The following ADGRL3 variants were observed in gnomAD, a reference collection of about 807,000 sequenced individuals.
ADGRL3 encodes adhesion G protein-coupled receptor L3.
In ADGRL3, 62 loss-of-function variants were observed where a neutral mutation model predicts 153.5. The observed-to-expected ratio is 0.40, with a 90% confidence interval of 0.33 to 0.50. The LOEUF is 0.50. ADGRL3 is among the 20% of genes least tolerant of loss of function. The probability of loss-of-function intolerance (pLI) is 0.47; values close to 1 mark genes in which losing one functional copy is unlikely to be tolerated. For synonymous variants in ADGRL3, 710 were observed against 672.5 expected (o/e 1.06, Z -0.86); for missense variants, 1,641 against 1,859.4 (o/e 0.88, Z 2.16).
At chr4:61,798,158 C>G (rs760796499) in intron 8 of ADGRL3, among the ~76,000 whole-genome samples, 4 of 152,100 alleles carry the variant, frequency 2.6e-5, no homozygotes, top group African/African-American at 7.2e-5. Context: ...CTAACTTTTA[C>G]ACTATTGTCT....
At chr4:61,759,202 T>A (rs1013336551) in intron 8 of ADGRL3, among the ~76,000 whole-genome samples, 1 of 152,180 alleles carries the variant, frequency 6.6e-6, no homozygotes, top group Non-Finnish European at 1.5e-5. Flanking sequence ...GTATTTCCTG[T>A]ATTTGAATGT....
At chr4:62,028,622 AT>A (rs1560525359) in intron 21 of ADGRL3, among the ~76,000 whole-genome samples, 4 of 151,772 alleles carry the variant, frequency 2.6e-5, no homozygotes, top group Non-Finnish European at 5.9e-5. Flanking sequence ...AAAAAATGGA[AT>A]TTTGAGTCTT....
chr4:61,229,452 G>C (rs1051936044), intron 1 of ADGRL3, among the ~76,000 whole-genome samples: 3 of 151,916 alleles, frequency 2.0e-5, no homozygotes, highest in Non-Finnish European at 4.4e-5. Context: ...TTTGGGGCTA[G>C]CAAGGATTTT....
intron 9 of ADGRL3, among the ~76,000 whole-genome samples, chr4:61,857,059 T>C (rs1165047689): frequency 6.7e-6 from 1 of 149,696 alleles, no homozygotes; most frequent in Non-Finnish European, 1.5e-5. Flanking sequence ...CCTCCCTCCC[T>C]CTCTCTCTCT....
intron 6 of ADGRL3, among the ~76,000 whole-genome samples, chr4:61,701,243 A>G (rs1179535640): frequency 1.3e-5 from 2 of 152,134 alleles, no homozygotes; most frequent in Non-Finnish European, 1.5e-5. Context: ...CTAACGTCAC[A>G]AAAAGCTGGA....
At position 61,765,500 on chromosome 4, in the gene ADGRL3, G is replaced by A. The variant is rs192882359; in HGVS notation, c.1399+31946G>A. 2.0e-5 allele frequency among the ~76,000 whole-genome samples: 3 copies of A among 152,218 alleles called. No homozygotes were observed. The East Asian group carries it at 5.8e-4, about 29-fold the overall frequency. ...TTTAGTCCATTCTACTTTGCTTGAA[G>A]ACAGAGGACCGTAAGGGATATAAAG... On this transcript the variant is annotated intron_variant, in intron 8 of 26. Coordinates refer to ENST00000683033, the MANE Select transcript of ADGRL3 (RefSeq NM_001387552.1).
At chr4:61,694,179 A>ATTATT (rs2095596147) in intron 6 of ADGRL3, among the ~76,000 whole-genome samples, 2 of 26,710 alleles carry the variant, frequency 7.5e-5, no homozygotes, top group East Asian at 2.0e-3. Context: ...TTTTGTCATT[A>ATTATT]TTTTTTTTTT....
chr4:61,647,508 G>T (rs1005001632), intron 5 of ADGRL3, among the ~76,000 whole-genome samples: 3 of 152,074 alleles, frequency 2.0e-5, no homozygotes, highest in East Asian at 3.9e-4. Context: ...CTCATTGATG[G>T]TTTGTACGTG....
chr4:61,652,367 C>A (rs1043107922), intron 5 of ADGRL3, among the ~76,000 whole-genome samples: 1 of 152,028 alleles, frequency 6.6e-6, no homozygotes, highest in Non-Finnish European at 1.5e-5. Context: ...ATTGTTGAAA[C>A]CATCATGAAA....
intron 1 of ADGRL3, among the ~76,000 whole-genome samples, chr4:61,357,824 A>G (rs1408456245): frequency 2.0e-5 from 3 of 152,156 alleles, no homozygotes; most frequent in Non-Finnish European, 2.9e-5. Flanking sequence ...TTTAAAATGG[A>G]ACACTTCTAT....
At chr4:61,264,188 C>T (rs1229229253) in intron 1 of ADGRL3, among the ~76,000 whole-genome samples, 1 of 151,922 alleles carries the variant, frequency 6.6e-6, no homozygotes, top group Non-Finnish European at 1.5e-5. Context: ...ACTCTGATTT[C>T]GTTCAATTAA....
intron 2 of ADGRL3, among the ~76,000 whole-genome samples, chr4:61,471,958 A>G (rs1305514072): frequency 6.6e-6 from 1 of 152,096 alleles, no homozygotes; most frequent in Non-Finnish European, 1.5e-5. Flanking sequence ...TTATTGTATT[A>G]TGCACAACAC....
intron 2 of ADGRL3, among the ~76,000 whole-genome samples, chr4:61,433,365 TAA>T (rs373967837): frequency 0.016 from 2,492 of 151,288 alleles, 29 homozygotes; most frequent in Non-Finnish European, 0.02. Flanking sequence ...GCTTTTTTTT[TAA>T]AAAAAAATCA....
chr4:61,913,438 G>T (rs1366834592), intron 13 of ADGRL3, among the ~76,000 whole-genome samples: 1 of 152,050 alleles, frequency 6.6e-6, no homozygotes, highest in East Asian at 1.9e-4. Flanking sequence ...AACAAAGAAG[G>T]CAGGAGGAAA....
chr4:61,690,111 G>A (rs374416957), intron 6 of ADGRL3, among the ~76,000 whole-genome samples: 7 of 152,102 alleles, frequency 4.6e-5, no homozygotes, highest in African/African-American at 7.2e-5. Context: ...TTTGAAATGT[G>A]TTCAATGCTC....
chr4:61,670,648 G>A (rs2094959012), intron 5 of ADGRL3, among the ~76,000 whole-genome samples: 1 of 152,128 alleles, frequency 6.6e-6, no homozygotes. Flanking sequence ...AAAGCTCTCA[G>A]CAGCAAGAGA....
At chr4:61,312,770 C>T (rs1479184777) in intron 1 of ADGRL3, among the ~76,000 whole-genome samples, 3 of 152,148 alleles carry the variant, frequency 2.0e-5, no homozygotes, top group Non-Finnish European at 4.4e-5. Flanking sequence ...AACTGTTACT[C>T]ATTGCTGGTG....
intron 4 of ADGRL3, among the ~76,000 whole-genome samples, chr4:61,583,131 T>A (rs547383704): frequency 6.6e-6 from 1 of 152,214 alleles, no homozygotes. Flanking sequence ...TATTGATATG[T>A]TTTGTCCCAT....
At chr4:61,836,630 A>G (rs1299930986) in intron 9 of ADGRL3, among the ~76,000 whole-genome samples, 1 of 152,084 alleles carries the variant, frequency 6.6e-6, no homozygotes, top group Non-Finnish European at 1.5e-5. Context: ...TCCTTATGCT[A>G]ATATTTTTCC....
Sources: allele counts gnomAD v4.1 joint callset (sites outside exome capture counted in the v4.1 genomes callset), GRCh38; gene constraint gnomAD v4.1.1; transcripts MANE v1.5; gene names NCBI Gene and HGNC (gene_info 2026-07-23, HGNC 2026-07-21).